ERMP1: variants seen among roughly 807,000 people sequenced by gnomAD.
ERMP1 encodes endoplasmic reticulum metallopeptidase 1.
In ERMP1, 86 loss-of-function variants were observed where a neutral mutation model predicts 92.0. The observed-to-expected ratio is 0.93, with a 90% CI of 0.79 to 1.12. The LOEUF is 1.12. Among genes scored for constraint, ERMP1 ranks in the 50% most tolerant of loss-of-function variants. The pLI is 0.00. For missense variants in ERMP1, 1,342 were observed against 1,116.3 expected (o/e 1.20, Z -2.88); for synonymous variants, 530 against 412.8 (o/e 1.28, Z -3.44).
intron 10 of ERMP1, among the ~76,000 whole-genome samples, chr9:5,802,426 C>A (rs1209135602): frequency 1.3e-5 from 2 of 152,058 alleles, no homozygotes; most frequent in African/African-American, 4.8e-5. Context: ...GCTCTGTCAC[C>A]CAGGCTGGAG....
At chr9:5,814,122 A>G (rs1829213862) in intron 4 of ERMP1, among the ~76,000 whole-genome samples, 1 of 152,180 alleles carries the variant, frequency 6.6e-6, no homozygotes, top group South Asian at 2.1e-4. Flanking sequence ...CAAAGGCATT[A>G]ACATCATTCA....
chr9:5,817,489 C>T (rs1356502301), intron 4 of ERMP1, among the ~76,000 whole-genome samples: 1 of 152,250 alleles, frequency 6.6e-6, no homozygotes, highest in Non-Finnish European at 1.5e-5. Context: ...CACACCCGGC[C>T]AGAGCCTATG....
At chr9:5,807,521 G>C (rs554267687) in intron 8 of ERMP1, among the ~76,000 whole-genome samples, 1 of 152,262 alleles carries the variant, frequency 6.6e-6, no homozygotes, top group South Asian at 2.1e-4. Context: ...CGAGGTGGGA[G>C]GATCACTTGA....
At chr9:5,846,092 G>A (rs945627120) in intron 6 of ERMP1, among the ~76,000 whole-genome samples, 2 of 152,192 alleles carry the variant, frequency 1.3e-5, no homozygotes, top group African/African-American at 4.8e-5. Flanking sequence ...CACAGCCCCT[G>A]CTCATGTTCA....
At chr9:5,809,267 A>G (rs550212866) in intron 8 of ERMP1, among the ~76,000 whole-genome samples, 137 of 149,622 alleles carry the variant, frequency 9.2e-4, no homozygotes, top group Non-Finnish European at 1.4e-3. Flanking sequence ...TGATCCGCCC[A>G]CCTCAGCCTC....
At chr9:5,847,793 G>A (rs950080031) in intron 6 of ERMP1, among the ~76,000 whole-genome samples, 7 of 151,852 alleles carry the variant, frequency 4.6e-5, no homozygotes, top group Admixed American at 1.3e-4. Context: ...TACTCGGGAG[G>A]CTGAGGCAGG....
chr9:5,865,447 G>C (rs1417890381), intron 5 of ERMP1, among the ~76,000 whole-genome samples: 1 of 151,654 alleles, frequency 6.6e-6, no homozygotes, highest in African/African-American at 2.4e-5. Flanking sequence ...GGCGGAGCTT[G>C]CAGTGAGCCG....
upstream of ERMP1, among the ~76,000 whole-genome samples, chr9:5,833,971 T>C (rs1830047158): frequency 6.6e-6 from 1 of 152,226 alleles, no homozygotes; most frequent in South Asian, 2.1e-4. Flanking sequence ...TTTTTGTCCC[T>C]AGCTTGGAGT....
At position 5,805,116 on chromosome 9, in the gene ERMP1, TA is replaced by T; in HGVS notation, c.1824del (p.Ile609SerfsTer24). The T allele has an allele frequency of 6.2e-7, 1 of 1,613,522 alleles. No individual in the cohort carries two copies. The highest frequency in any genetic ancestry group is 8.5e-7 in the Non-Finnish European group (1 of 1,179,806). ...LIWAVFEMFT[P>X]ILGRSGSEIP... ...ATTTCAGAACCACTTCTCCCGAGGA[TA>T]GGGGTAAACATCTCAAATACTGCCC... On this transcript the variant is annotated frameshift_variant, in exon 10 of 15. Transcript: ENST00000339450. LOFTEE classifies it high-confidence loss of function.
intron 4 of ERMP1, among the ~76,000 whole-genome samples, chr9:5,822,185 G>C (rs1373711853): frequency 6.6e-6 from 1 of 152,064 alleles, no homozygotes; most frequent in Non-Finnish European, 1.5e-5. Flanking sequence ...TCTCAAGGCA[G>C]AGGTTGCAGT....
chr9:5,786,948 T>TCAA lies in ERMP1; in HGVS notation c.*193_*195dup. ...GCCAAAAGACTGGCATTTTCAAGTG[T>TCAA]CAACAGGCCATGCATCACTGCGCCA... On this transcript the variant is annotated 3_prime_UTR_variant, in exon 15 of 15. Transcript: ENST00000339450. The TCAA allele has an allele frequency of 2.1e-6, 1 of 475,306 alleles. No individual in the cohort carries two copies. Among genetic ancestry groups the TCAA allele is most frequent in the South Asian group, 3.1e-5 (1 of 32,732 alleles). The allele number at this position is 475,306 out of a possible 1,614,324, so 29.4% of individuals were successfully genotyped here.
chr9:5,811,853 C>T (rs183085502), intron 6 of ERMP1, among the ~76,000 whole-genome samples: 1 of 152,162 alleles, frequency 6.6e-6, no homozygotes, highest in Admixed American at 6.5e-5. Context: ...TCATGGGAGA[C>T]TAACAGAGCT....
At chr9:5,828,947 A>G in intron 2 of ERMP1, among the ~76,000 whole-genome samples, 1 of 150,218 alleles carries the variant, frequency 6.7e-6, no homozygotes, top group East Asian at 1.9e-4. Context: ...AAATGGACAT[A>G]AAAAAACCAC....
rs1443163191 is a variant in ERMP1, at chr9:5,830,964, G to C, written c.403C>G (p.Leu135Val). The part of the protein sequence containing the change: ...RTTGSPENEI[L>V]TVHYLLEQIK... Reference sequence around the variant, plus strand: ...TGTTCCAAAAGGTAGTGCACGGTCAGAATTTCATTTTCTGGACTTCCTGTA... The same window carrying C: ...TGTTCCAAAAGGTAGTGCACGGTCACAATTTCATTTTCTGGACTTCCTGTA... The change falls in exon 2 of 15, where the codon CTG (leucine) becomes GTG (valine). Residue 135 changes from leucine (L) to valine (V), a missense_variant. By Grantham distance (32) the Leu-to-Val change is conservative (BLOSUM62 1). Transcript: ENST00000339450. 11 of 1,614,008 alleles carry C rather than the reference G, an allele frequency of 6.8e-6. No individual in the cohort carries two copies. The highest frequency in any genetic ancestry group is 1.7e-5 in the Admixed American group (1 of 59,998).
chr9:5,818,078 C>A (rs941594017), intron 4 of ERMP1, among the ~76,000 whole-genome samples: 1 of 151,324 alleles, frequency 6.6e-6, no homozygotes, highest in South Asian at 2.1e-4. Flanking sequence ...AGGTGGATCA[C>A]TTGAGCCCAG....
At chr9:5,838,115 G>T (rs926088933), upstream of ERMP1, among the ~76,000 whole-genome samples, 2 of 152,048 alleles carry the variant, frequency 1.3e-5, no homozygotes, top group African/African-American at 4.8e-5. Context: ...AAAGAAAAAA[G>T]CTATTTTTTA....
intron 6 of ERMP1, among the ~76,000 whole-genome samples, chr9:5,846,400 G>C (rs751747608): frequency 6.6e-6 from 1 of 152,132 alleles, no homozygotes; most frequent in African/African-American, 2.4e-5. Context: ...TCCCTCTGAG[G>C]CTGTTTCCTC....
intron 2 of ERMP1, among the ~76,000 whole-genome samples, chr9:5,825,984 A>C (rs1829718834): frequency 6.6e-6 from 1 of 152,230 alleles, no homozygotes; most frequent in South Asian, 2.1e-4. Flanking sequence ...CCAAGGAATT[A>C]CTGTTAGGTT....
intron 13 of ERMP1, chr9:5,791,353 G>T: frequency 2.2e-6 from 1 of 455,072 alleles, no homozygotes; most frequent in South Asian, 1.6e-5. Flanking sequence ...CTCTCCTTGG[G>T]GAAGGTCAGT....
Sources: gnomAD v4.1 joint callset for allele counts (sites outside exome capture counted in the v4.1 genomes callset) on GRCh38, gnomAD v4.1.1 for gene constraint, MANE v1.5 for transcripts, NCBI Gene and HGNC (gene_info 2026-07-23, HGNC 2026-07-21) for gene names.